Variants in FREM3 observed in about 807,000 individuals in gnomAD.
FREM3 encodes the protein FRAS1-related extracellular matrix protein 3.
In FREM3, 105 loss-of-function variants were observed where a neutral mutation model predicts 129.1. The observed-to-expected ratio is 0.81, with a 90% CI of 0.69 to 0.96. The LOEUF is 0.96. Among genes scored for constraint, FREM3 ranks in the 40% least tolerant of loss-of-function variants. FREM3 has a pLI of 0.00. For synonymous variants in FREM3, 1,014 were observed against 1,044.9 expected (o/e 0.97, Z 0.57); for missense variants, 2,593 against 2,666.3 (o/e 0.97, Z 0.61).
chr4:143,602,458 T>C (rs1041998143), intron 6 of FREM3, among the ~76,000 whole-genome samples: 2 of 152,060 alleles, frequency 1.3e-5, no homozygotes, highest in Non-Finnish European at 2.9e-5. Context: ...TGAATATCTG[T>C]AGGGTAGGGA....
chr4:143,612,230 T>C (rs1449149897), intron 5 of FREM3, among the ~76,000 whole-genome samples: 1 of 152,238 alleles, frequency 6.6e-6, no homozygotes, highest in Non-Finnish European at 1.5e-5. Context: ...CCTGTGTTTC[T>C]TGCAATCCAT....
chr4:143,645,528 G>A (rs915788451), intron 2 of FREM3, among the ~76,000 whole-genome samples: 14 of 152,328 alleles, frequency 9.2e-5, no homozygotes, highest in African/African-American at 3.4e-4. Flanking sequence ...AGCCTTATGA[G>A]CAAAGACTAA....
At chr4:143,674,738 A>G (rs569563498) in intron 2 of FREM3, among the ~76,000 whole-genome samples, 41 of 152,336 alleles carry the variant, frequency 2.7e-4, no homozygotes, top group Admixed American at 5.2e-4. Context: ...CAGGGGTTGC[A>G]ATCCTAGTCT....
At chr4:143,598,183 C>T (rs1738515769) in intron 6 of FREM3, among the ~76,000 whole-genome samples, 1 of 152,198 alleles carries the variant, frequency 6.6e-6, no homozygotes, top group Admixed American at 6.5e-5. Context: ...ACTGCAGTGG[C>T]CCTCAGCATC....
At chr4:143,650,982 C>T (rs1284624553) in intron 2 of FREM3, among the ~76,000 whole-genome samples, 1 of 152,178 alleles carries the variant, frequency 6.6e-6, no homozygotes, top group Non-Finnish European at 1.5e-5. Context: ...GGCAAGTAAA[C>T]AAACTCAGTG....
intron 7 of FREM3, among the ~76,000 whole-genome samples, chr4:143,580,423 C>T (rs1477904452): frequency 1.3e-5 from 2 of 152,158 alleles, no homozygotes; most frequent in African/African-American, 2.4e-5. Context: ...TCCCCCATGA[C>T]CACCCCTACC....
intron 2 of FREM3, among the ~76,000 whole-genome samples, chr4:143,687,899 C>A (rs1740397412): frequency 6.6e-6 from 1 of 152,100 alleles, no homozygotes; most frequent in Non-Finnish European, 1.5e-5. Context: ...AACCCACAGC[C>A]AATATAATAC....
chr4:143,664,282 T>G (rs1389129892), intron 2 of FREM3, among the ~76,000 whole-genome samples: 1 of 152,112 alleles, frequency 6.6e-6, no homozygotes, highest in Non-Finnish European at 1.5e-5. Context: ...GTCCTTTCTG[T>G]TTGTTAGTTT....
chr4:143,577,792 T>C lies in FREM3; in HGVS notation c.6239A>G (p.Gln2080Arg), dbSNP rs1738066580. 10 of 1,537,330 alleles carry C rather than the reference T, an allele frequency of 6.5e-6. No individual in the cohort carries two copies. The highest frequency in any genetic ancestry group is 8.7e-6 in the Non-Finnish European group (10 of 1,146,918). Residue 2080 changes from glutamine (Q) to arginine (R), a missense_variant, in exon 8 of 8, where the codon CAG becomes CGG. Physicochemically the swap from Gln to Arg is conservative, Grantham distance 43. Coordinates refer to ENST00000329798, the MANE Select transcript of FREM3 (RefSeq NM_001168235.2). ...ATCAAGGATGGTCACTTGGAATGTCTGCATGCGCACGCCTGGAGCAAAGTC... is the reference window on the plus strand; with the variant it reads ...ATCAAGGATGGTCACTTGGAATGTCCGCATGCGCACGCCTGGAGCAAAGTC... Reference protein sequence around the residue: ...NLDFAPGVRMQTFQVTILDDL... With the variant: ...NLDFAPGVRMRTFQVTILDDL...
At chr4:143,592,805 G>A (rs1049510029) in intron 6 of FREM3, among the ~76,000 whole-genome samples, 4 of 152,164 alleles carry the variant, frequency 2.6e-5, no homozygotes, top group African/African-American at 9.7e-5. Flanking sequence ...GATTGGGGAA[G>A]TTCTCCTGGA....
At chr4:143,680,661 G>C (rs947356740) in intron 2 of FREM3, among the ~76,000 whole-genome samples, 1 of 152,036 alleles carries the variant, frequency 6.6e-6, no homozygotes, top group Admixed American at 6.6e-5. Flanking sequence ...AAAAATAAGA[G>C]CAAACAGACT....
intron 2 of FREM3, among the ~76,000 whole-genome samples, chr4:143,675,496 C>A (rs928818499): frequency 6.6e-6 from 1 of 152,062 alleles, no homozygotes; most frequent in African/African-American, 2.4e-5. Flanking sequence ...GAAGCAAGAG[C>A]AAACACATTC....
intron 2 of FREM3, among the ~76,000 whole-genome samples, chr4:143,642,002 A>G (rs1179140857): frequency 1.3e-5 from 2 of 152,196 alleles, no homozygotes; most frequent in African/African-American, 4.8e-5. Flanking sequence ...AATCATGTTC[A>G]GTGGCAGACT....
chr4:143,678,669 A>G (rs929800793), intron 2 of FREM3, among the ~76,000 whole-genome samples: 2 of 152,140 alleles, frequency 1.3e-5, no homozygotes. Context: ...GTGCTAAGAA[A>G]AAGTATGCAA....
chr4:143,613,338 G>T (rs571479813), intron 5 of FREM3, among the ~76,000 whole-genome samples: 1 of 152,198 alleles, frequency 6.6e-6, no homozygotes, highest in East Asian at 1.9e-4. Flanking sequence ...TTTCAGTGGC[G>T]GTCTATGCTT....
intron 6 of FREM3, among the ~76,000 whole-genome samples, chr4:143,602,792 G>A (rs562156854): frequency 1.3e-5 from 2 of 152,158 alleles, no homozygotes; most frequent in Non-Finnish European, 2.9e-5. Context: ...AAAGGAAAAT[G>A]GCGTTAGCTG....
At chr4:143,689,921 C>T (rs771247926) in intron 2 of FREM3, among the ~76,000 whole-genome samples, 3 of 150,372 alleles carry the variant, frequency 2.0e-5, no homozygotes, top group Admixed American at 6.7e-5. Flanking sequence ...ATATACTGCT[C>T]GGGTGATGGG....
chr4:143,681,007 G>C (rs924240132), intron 2 of FREM3, among the ~76,000 whole-genome samples: 1 of 152,074 alleles, frequency 6.6e-6, no homozygotes, highest in East Asian at 1.9e-4. Flanking sequence ...ATATCAAAAT[G>C]CATAATATTA....
intron 2 of FREM3, among the ~76,000 whole-genome samples, chr4:143,684,750 C>CA (rs1740327026): frequency 1.3e-5 from 2 of 151,988 alleles, no homozygotes; most frequent in African/African-American, 4.8e-5. Context: ...CAAGGAAATC[C>CA]AAAAAATGAT....
Sources: allele counts gnomAD v4.1 joint callset (sites outside exome capture counted in the v4.1 genomes callset), GRCh38; gene constraint gnomAD v4.1.1; transcripts MANE v1.5; gene names NCBI Gene and HGNC (gene_info 2026-07-23, HGNC 2026-07-21).